Variants in PHF24 observed in about 807,000 individuals in gnomAD.
The protein encoded by PHF24 is Galpha inhibitory interacting protein.
PHF24 carries 25 observed loss-of-function variants against 42.6 expected under a neutral mutation model. That is an observed-to-expected ratio of 0.59 (90% CI 0.43 to 0.82). The LOEUF (loss-of-function observed/expected upper bound fraction) is 0.82, where lower values mean the gene tolerates loss of function less well. PHF24 is among the 40% of genes least tolerant of loss of function. The pLI is 0.00. For synonymous variants in PHF24, 185 were observed against 204.8 expected, an observed-to-expected ratio of 0.90 and a Z score of 0.83; for missense variants, 470 against 538.1, an observed-to-expected ratio of 0.87 and a Z score of 1.25.
At chr9:34,735,148 T>C in the PHF24 span, among the ~76,000 whole-genome samples, 2 of 148,900 alleles carry the variant, frequency 1.3e-5, no homozygotes, top group Admixed American at 1.3e-4. Context: ...TTTTTTTTTT[T>C]TTTTTGAGAC....
the PHF24 span, among the ~76,000 whole-genome samples, chr9:34,887,993 G>T: frequency 6.6e-6 from 1 of 151,754 alleles, no homozygotes; most frequent in Admixed American, 6.6e-5. Flanking sequence ...ATTTTACTGT[G>T]TTTTTTTTTT....
chr9:34,835,819 C>G, the PHF24 span: 2 of 1,475,594 alleles, frequency 1.4e-6, no homozygotes, highest in Non-Finnish European at 1.9e-6. Context: ...TGAAAGCTCT[C>G]TGATATTTCT....
the PHF24 span, among the ~76,000 whole-genome samples, chr9:34,694,521 T>TG: frequency 6.6e-6 from 1 of 152,060 alleles, no homozygotes; most frequent in Non-Finnish European, 1.5e-5. Flanking sequence ...TTAGTAGAGA[T>TG]GGGGTTTCAT....
the PHF24 span, among the ~76,000 whole-genome samples, chr9:34,796,940 A>G: frequency 3.9e-4 from 60 of 152,376 alleles, no homozygotes; most frequent in African/African-American, 1.4e-3. Context: ...GAACAGATGA[A>G]TAAACAAACG....
the PHF24 span, among the ~76,000 whole-genome samples, chr9:34,876,555 T>G: frequency 1.3e-5 from 2 of 151,990 alleles, no homozygotes; most frequent in Non-Finnish European, 2.9e-5. Flanking sequence ...CCAAAGAAGA[T>G]ACACAGATGG....
rs751086037 is a variant in PHF24, at chr9:34,976,634, C to T, written c.743C>T (p.Ala248Val). Reference sequence around the variant, plus strand: ...CTGAGTGAGGAGCAAGAAGAGCAGGCGGCCCGCCAGTTTGCTGCCCTGGAC... The same window carrying T: ...CTGAGTGAGGAGCAAGAAGAGCAGGTGGCCCGCCAGTTTGCTGCCCTGGAC... The change falls in exon 5 of 8, where the codon GCG (alanine) becomes GTG (valine). Residue 248 changes from alanine (A) to valine (V), a missense_variant. Transcript: ENST00000242315. The T allele has an allele frequency of 3.0e-5, 49 of 1,614,010 alleles. No homozygotes were observed. In the East Asian group the frequency reaches 6.2e-4, roughly 21 times the overall value.
the PHF24 span, among the ~76,000 whole-genome samples, chr9:34,850,728 T>A: frequency 6.6e-6 from 1 of 152,162 alleles, no homozygotes; most frequent in Non-Finnish European, 1.5e-5. Flanking sequence ...ATCTTTGTGG[T>A]TTTATCTACT....
chr9:34,909,610 A>G, the PHF24 span, among the ~76,000 whole-genome samples: 1 of 152,086 alleles, frequency 6.6e-6, no homozygotes, highest in Non-Finnish European at 1.5e-5. Flanking sequence ...CTTAGAACAT[A>G]AAGAGAAGAA....
chr9:34,801,706 G>A, the PHF24 span, among the ~76,000 whole-genome samples: 26 of 152,000 alleles, frequency 1.7e-4, no homozygotes, highest in African/African-American at 5.8e-4. Flanking sequence ...CAGCCTGAGC[G>A]ACAGAGTGAG....
chr9:34,696,748 C>G, the PHF24 span, among the ~76,000 whole-genome samples: 1 of 152,104 alleles, frequency 6.6e-6, no homozygotes, highest in Non-Finnish European at 1.5e-5. Flanking sequence ...CTTCAAATCC[C>G]CCTGAATCTT....
chr9:34,741,355 T>C, the PHF24 span, among the ~76,000 whole-genome samples: 4 of 152,058 alleles, frequency 2.6e-5, no homozygotes, highest in Non-Finnish European at 5.9e-5. Context: ...TCTTTTCTTT[T>C]TCTTTTTCTT....
the PHF24 span, among the ~76,000 whole-genome samples, chr9:34,815,484 A>C: frequency 3.9e-5 from 6 of 152,076 alleles, no homozygotes; most frequent in Non-Finnish European, 5.9e-5. Flanking sequence ...CACCACGCCC[A>C]GCTAATTTTT....
exon 2 of PHF24, chr9:34,971,615 G>T: frequency 6.2e-7 from 1 of 1,613,926 alleles, no homozygotes; most frequent in Non-Finnish European, 8.5e-7. Flanking sequence ...GCGTTCATCC[G>T]CCCCACCCGG....
chr9:34,729,889 C>T, the PHF24 span, among the ~76,000 whole-genome samples: 3 of 152,090 alleles, frequency 2.0e-5, no homozygotes, highest in South Asian at 4.2e-4. Context: ...TTAGGGAGGG[C>T]GGAGTCTGGT....
the PHF24 span, chr9:34,893,083 G>T: frequency 1.1e-6 from 1 of 938,106 alleles, no homozygotes; most frequent in East Asian, 2.6e-5. Flanking sequence ...CCATAACATT[G>T]CAGATTTGGC....
chr9:34,850,373 C>T, the PHF24 span, among the ~76,000 whole-genome samples: 2 of 152,210 alleles, frequency 1.3e-5, no homozygotes, highest in African/African-American at 2.4e-5. Flanking sequence ...CACTGATACC[C>T]TTTCTTCCAG....
At chr9:34,853,221 A>G in the PHF24 span, among the ~76,000 whole-genome samples, 44 of 152,136 alleles carry the variant, frequency 2.9e-4, no homozygotes, top group Non-Finnish European at 5.3e-4. Flanking sequence ...TGAGATAATC[A>G]TGTGATTTTT....
At chr9:34,906,610 C>G in the PHF24 span, among the ~76,000 whole-genome samples, 13 of 142,792 alleles carry the variant, frequency 9.1e-5, no homozygotes, top group African/African-American at 3.1e-4. Flanking sequence ...CGCCACTGCA[C>G]TCTAGCCTGG....
the PHF24 span, among the ~76,000 whole-genome samples, chr9:34,933,704 AAC>A: frequency 6.6e-6 from 1 of 151,148 alleles, no homozygotes; most frequent in Non-Finnish European, 1.5e-5. Context: ...CAGCCTGGGC[AAC>A]AGAGTGAGAC....
Sources: allele counts gnomAD v4.1 joint callset (sites outside exome capture counted in the v4.1 genomes callset), GRCh38; gene constraint gnomAD v4.1.1; transcripts MANE v1.5; gene names NCBI Gene and HGNC (gene_info 2026-07-23, HGNC 2026-07-21).